Variants in ZKSCAN8 observed in about 807,000 individuals in gnomAD.
ZKSCAN8 encodes zinc finger protein with KRAB and SCAN domains 8.
A neutral mutation model predicts 57.2 loss-of-function variants in ZKSCAN8; 27 were observed. That is an observed-to-expected ratio of 0.47 (90% CI 0.35 to 0.65). The LOEUF is 0.65. Ranked by LOEUF, ZKSCAN8 falls within the 30% of genes least tolerant of loss-of-function variation. The probability of loss-of-function intolerance (pLI) is 0.01; values close to 1 mark genes in which losing one functional copy is unlikely to be tolerated. For missense variants in ZKSCAN8, 597 were observed against 696.3 expected (o/e 0.86, Z 1.60); for synonymous variants, 214 against 248.7 (o/e 0.86, Z 1.31).
chr6:28,143,537 C>T (rs910544445), intron 1 of ZKSCAN8, among the ~76,000 whole-genome samples: 1 of 152,144 alleles, frequency 6.6e-6, no homozygotes, highest in Non-Finnish European at 1.5e-5. Context: ...TGAATAGACT[C>T]TGCACTCAAG....
chr6:28,145,981 T>C (rs1343914799), intron 1 of ZKSCAN8, among the ~76,000 whole-genome samples: 1 of 152,178 alleles, frequency 6.6e-6, no homozygotes, highest in Non-Finnish European at 1.5e-5. Context: ...CAGTAGGCAA[T>C]ATTGTGGAAC....
Position 28,151,907 on chromosome 6 carries a change from A to G in ZKSCAN8, c.622A>G (p.Thr208Ala). The G allele has an allele frequency of 2.5e-6, 4 of 1,614,160 alleles. No homozygotes were observed. The highest frequency in any genetic ancestry group is 3.4e-6 in the Non-Finnish European group (4 of 1,180,014). Residue 208 changes from threonine (T) to alanine (A), a missense_variant, in exon 4 of 6, where the codon ACA becomes GCA. Transcript: ENST00000330236. ...QKGSSGDQEM[T>A]ATLLTAGFQT... ...AGGAAGTTCTGGAGACCAGGAAATG[A>G]CAGCTACACTTCTCACAGCAGGGTT... is the stretch of plus-strand genomic sequence containing the variant.
chr6:28,150,786 A>G (rs1416628118), intron 3 of ZKSCAN8, among the ~76,000 whole-genome samples: 1 of 152,050 alleles, frequency 6.6e-6, no homozygotes, highest in African/African-American at 2.4e-5. Flanking sequence ...TTCCATAAAT[A>G]TTCTGTTACT....
At chr6:28,147,717 TC>T (rs1347555471) in intron 1 of ZKSCAN8, among the ~76,000 whole-genome samples, 1 of 152,206 alleles carries the variant, frequency 6.6e-6, no homozygotes, top group African/African-American at 2.4e-5. Context: ...GCATCCAGGT[TC>T]CTTGGAGTGC....
chr6:28,144,388 A>AT lies in ZKSCAN8; in HGVS notation c.-93+2359_-93+2360insT, dbSNP rs1765319925. 1 of 152,326 alleles carries AT rather than the reference A, an allele frequency of 6.6e-6. No individual in the cohort carries two copies. The highest frequency in any genetic ancestry group is 1.5e-5 in the Non-Finnish European group (1 of 68,134). The allele number at this position is 152,326 out of a possible 1,614,324, so 9.4% of individuals were successfully genotyped here. ...CCGTGCCACAACTCCAAAAACTGAAAAGATAAGCACTGCCTTGATGATCCG... is the reference window on the plus strand; with the variant it reads ...CCGTGCCACAACTCCAAAAACTGAAATAGATAAGCACTGCCTTGATGATCCG... On this transcript the variant is annotated intron_variant, in intron 1 of 5. Coordinates refer to ENST00000330236, the MANE Select transcript of ZKSCAN8 (RefSeq NM_006298.4). The surrounding 1 kb of genome is among the most constrained non-coding windows in gnomAD (Gnocchi z 4.5).
intron 1 of ZKSCAN8, among the ~76,000 whole-genome samples, chr6:28,142,872 G>A (rs1765264736): frequency 1.3e-5 from 2 of 152,342 alleles, no homozygotes; most frequent in South Asian, 4.1e-4. Context: ...ACAAAGCATA[G>A]TATTGGCTTC....
At chr6:28,148,243 A>G in intron 1 of ZKSCAN8, 73 bp from the exon 2 acceptor site, 1 of 681,686 alleles carries the variant, frequency 1.5e-6, no homozygotes, top group Admixed American at 3.0e-5. Flanking sequence ...ATACTAAGGA[A>G]CTTGTTAAGA....
chr6:28,152,160 A>G, intron 4 of ZKSCAN8, 101 bp from the exon 5 acceptor site: 1 of 1,513,146 alleles, frequency 6.6e-7, no homozygotes, highest in Non-Finnish European at 8.9e-7. Flanking sequence ...GTACATTCCC[A>G]AGTTGTAATT....
chr6:28,153,187 C>T lies in ZKSCAN8; in HGVS notation c.907C>T (p.Arg303Ter), dbSNP rs748309826. 6.8e-6 allele frequency: 11 copies of T among 1,614,112 alleles called. No homozygotes were observed. The highest frequency in any genetic ancestry group is 1.1e-5 in the South Asian group (1 of 91,088). The change falls in exon 6 of 6, where the codon CGA (arginine) becomes TGA (stop). Residue 303 changes from arginine to a stop codon, truncating the protein, a stop_gained. Transcript: ENST00000330236. LOFTEE classifies it high-confidence loss of function. Reference protein sequence around the residue: ...VIRGLEHEEARDLLGRLERQR... With the variant: ...VIRGLEHEEA ...CAGGGGTCTTGAGCATGAAGAAGCC[C>T]GAGACCTTCTGGGCAGATTAGAGAG...
rs1765309794 is a variant in ZKSCAN8 at position 28,144,105 on chromosome 6, C to T, written c.-93+2076C>T. On this transcript the variant is annotated intron_variant, in intron 1 of 5. Coordinates refer to ENST00000330236, the MANE Select transcript of ZKSCAN8 (RefSeq NM_006298.4). The surrounding 1 kb of genome is among the most constrained non-coding windows in gnomAD (Gnocchi z 4.5). ...CTTGGTTCTTCTGATCTGTAGTTTA[C>T]TCTCCACCCTGTTGTTCCCGGCCTT... Among the ~76,000 whole-genome samples the T allele has an allele frequency of 6.6e-6, 1 of 152,156 alleles. No homozygotes were observed. Among genetic ancestry groups the T allele is most frequent in the Non-Finnish European group, 1.5e-5 (1 of 68,022 alleles).
rs570479704 is a variant in ZKSCAN8, at chr6:28,148,082, A to G, written c.-92-234A>G. On this transcript the variant is annotated intron_variant, in intron 1 of 5. Transcript: ENST00000330236. ...CTGACTTTGCTTAGCCATGTTCCAC[A>G]TCCCCAAACAGGGTGATGAAAGCAG... is the stretch of plus-strand genomic sequence containing the variant. 2.6e-3 allele frequency among the ~76,000 whole-genome samples: 392 copies of G among 152,310 alleles called. 2 individuals are homozygous for G. The highest frequency in any genetic ancestry group is 9.0e-3 in the African/African-American group (374 of 41,566).
At chr6:28,142,574 A>G (rs886716714) in intron 1 of ZKSCAN8, among the ~76,000 whole-genome samples, 2 of 150,926 alleles carry the variant, frequency 1.3e-5, no homozygotes, top group Non-Finnish European at 2.9e-5. Context: ...ATTCAACATT[A>G]TCAGAATGCC....
At chr6:28,145,373 G>A (rs182115251) in intron 1 of ZKSCAN8, among the ~76,000 whole-genome samples, 1 of 152,304 alleles carries the variant, frequency 6.6e-6, no homozygotes, top group East Asian at 1.9e-4. Flanking sequence ...AAGGCTTTAT[G>A]TAAGTGAGTT....
At position 28,148,595 on chromosome 6, in the gene ZKSCAN8, T is replaced by C. The variant is rs1325065114; in HGVS notation, c.188T>C (p.Leu63Pro). ...AGGCAGTTACGCTACCAGGAGACAC[T>C]AGGACCCCGAGAAGCTCTGATCCAA... is the stretch of plus-strand genomic sequence containing the variant. The part of the protein sequence containing the change: ...RFRQLRYQET[L>P]GPREALIQLR... Residue 63 changes from leucine to proline, a missense_variant, in exon 2 of 6, where the codon CTA (leucine) becomes CCA (proline). By Grantham distance (98) the Leu-to-Pro change is moderately conservative (BLOSUM62 -3). Transcript: ENST00000330236. 1 of 1,614,034 alleles carries C rather than the reference T, an allele frequency of 6.2e-7. No individual in the cohort carries two copies. Among genetic ancestry groups the C allele is most frequent in the Non-Finnish European group, 8.5e-7 (1 of 1,179,980 alleles).
chr6:28,142,864 A>G (rs1319834523), intron 1 of ZKSCAN8, among the ~76,000 whole-genome samples: 1 of 152,260 alleles, frequency 6.6e-6, no homozygotes, highest in Admixed American at 6.5e-5. Flanking sequence ...TTGAGATAAC[A>G]AAGCATAGTA....
At chr6:28,149,846 T>G (rs1765534365) in intron 3 of ZKSCAN8, among the ~76,000 whole-genome samples, 6 of 152,068 alleles carry the variant, frequency 3.9e-5, no homozygotes, top group Non-Finnish European at 8.8e-5. Flanking sequence ...TAATTTTTTT[T>G]CCTTTTATTA....
chr6:28,148,655 A>T lies in ZKSCAN8; in HGVS notation c.248A>T (p.Asp83Val). 1 of 1,614,078 alleles carries T rather than the reference A, an allele frequency of 6.2e-7. No individual in the cohort carries two copies. The highest frequency in any genetic ancestry group is 8.5e-7 in the Non-Finnish European group (1 of 1,180,020). ...RALCHQWLRP[D>V]LNTKEQILEL... ...CTTTGCCATCAGTGGCTGAGGCCAG[A>T]TTTGAACACCAAGGAACAGATCCTG... The change falls in exon 2 of 6, where the codon GAT (aspartate) becomes GTT (valine). Residue 83 changes from aspartate (D) to valine (V), a missense_variant. Coordinates refer to ENST00000330236, the MANE Select transcript of ZKSCAN8 (RefSeq NM_006298.4).
Position 28,149,523 on chromosome 6 carries a change from A to G in ZKSCAN8, c.458A>G (p.Glu153Gly). ...CATGGACATAGGGTACTCTGGGAGG[A>G]GGTAGTACATTCAGCATCTGCACCA... ...RVHGHRVLWE[E>G]VVHSASAPEP... The change falls in exon 3 of 6, where the codon GAG becomes GGG. Residue 153 changes from glutamate to glycine, a missense_variant. By Grantham distance (98) the Glu-to-Gly change is moderately conservative. Coordinates refer to ENST00000330236, the MANE Select transcript of ZKSCAN8 (RefSeq NM_006298.4). 6.2e-7 allele frequency: 1 copy of G among 1,614,034 alleles called. No individual in the cohort carries two copies. Among genetic ancestry groups the G allele is most frequent in the Non-Finnish European group, 8.5e-7 (1 of 1,180,004 alleles).
At position 28,149,515 on chromosome 6, in the gene ZKSCAN8, C is replaced by A. The variant is rs1277732753; in HGVS notation, c.450C>A (p.Leu150=). The part of the protein sequence containing the change: ...VSARVHGHRV[L]WEEVVHSASA... ...CTCGCGTACATGGACATAGGGTACTCTGGGAGGAGGTAGTACATTCAGCAT... is the reference window on the plus strand; with the variant it reads ...CTCGCGTACATGGACATAGGGTACTATGGGAGGAGGTAGTACATTCAGCAT... The change falls in exon 3 of 6, where the codon CTC becomes CTA. Residue 150 remains leucine (L), a synonymous_variant. Transcript: ENST00000330236. 13 of 1,613,980 alleles carry A rather than the reference C, an allele frequency of 8.1e-6. No individual in the cohort carries two copies. Among genetic ancestry groups the A allele is most frequent in the Non-Finnish European group, 1.0e-5 (12 of 1,180,000 alleles).
Sources: gnomAD v4.1 joint callset for allele counts (sites outside exome capture counted in the v4.1 genomes callset) on GRCh38, gnomAD v4.1.1 for gene constraint, Gnocchi (gnomAD v3.1) non-coding constraint, MANE v1.5 for transcripts, NCBI Gene and HGNC (gene_info 2026-07-23, HGNC 2026-07-21) for gene names.